The following FAM13C variants were observed in gnomAD, a reference collection of about 807,000 sequenced individuals.
FAM13C encodes protein FAM13C.
Under a neutral mutation model 73.2 loss-of-function variants are expected in FAM13C, and 37 were observed. That is an observed-to-expected ratio of 0.51 (90% CI 0.39 to 0.67). FAM13C has a LOEUF of 0.67. Ranked by LOEUF, FAM13C falls within the 30% of genes least tolerant of loss-of-function variation. The pLI is 0.00. For synonymous variants in FAM13C, 246 were observed against 260.9 expected (o/e 0.94, Z 0.55); for missense variants, 589 against 715.6 (o/e 0.82, Z 2.02).
At chr10:59,361,195 C>A in intron 1 of FAM13C, 2 of 886,228 alleles carry the variant, frequency 2.3e-6, no homozygotes, top group Non-Finnish European at 3.1e-6. Flanking sequence ...TACATTGCTT[C>A]TTCTAAAGTC....
At chr10:59,258,355 C>T (rs1468203669) in intron 10 of FAM13C, among the ~76,000 whole-genome samples, 1 of 152,150 alleles carries the variant, frequency 6.6e-6, no homozygotes, top group East Asian at 1.9e-4. Flanking sequence ...TGGTGGTGCA[C>T]ACCTGTAGTC....
chr10:59,253,804 G>A (rs1476934933), intron 11 of FAM13C: 1 of 152,270 alleles, frequency 6.6e-6, no homozygotes, highest in African/African-American at 2.4e-5. Context: ...TAGGATTTGT[G>A]ATGCTTTTCT....
intron 3 of FAM13C, among the ~76,000 whole-genome samples, chr10:59,348,162 T>G (rs1357373654): frequency 6.6e-6 from 1 of 152,184 alleles, no homozygotes; most frequent in Non-Finnish European, 1.5e-5. Flanking sequence ...AAGAGGGTTG[T>G]CTTTAAATTT....
At position 59,293,774 on chromosome 10, in the gene FAM13C, A is replaced by T. The variant is rs112827632; in HGVS notation, c.507+9027T>A. On this transcript the variant is annotated intron_variant, in intron 5 of 13. Coordinates refer to ENST00000618804, the MANE Select transcript of FAM13C (RefSeq NM_198215.4). ...AACCTCTGGGAAGTGAGGACAGCAA[A>T]GTCCACTCTTGTACTGCAGCTGTTT... is the stretch of plus-strand genomic sequence containing the variant. 5.0e-3 allele frequency among the ~76,000 whole-genome samples: 768 copies of T among 152,310 alleles called. 12 individuals carry two copies. The highest frequency in any genetic ancestry group is 3.4e-3 in the Middle Eastern group (1 of 294).
intron 3 of FAM13C, among the ~76,000 whole-genome samples, chr10:59,329,344 T>TTG (rs1851635079): frequency 1.5e-3 from 2 of 1,362 alleles, no homozygotes; most frequent in Non-Finnish European, 2.8e-3. Context: ...TCTTTCTGGT[T>TTG]TTTTTTTTTT....
chr10:59,265,281 T>G (rs1842902947), intron 8 of FAM13C, among the ~76,000 whole-genome samples: 1 of 102,700 alleles, frequency 9.7e-6, no homozygotes, highest in African/African-American at 3.6e-5. Context: ...AGCAGACTGG[T>G]TTCCCTGAGG....
intron 4 of FAM13C, among the ~76,000 whole-genome samples, chr10:59,308,429 C>T (rs1284352191): frequency 6.6e-6 from 1 of 151,710 alleles, no homozygotes; most frequent in Non-Finnish European, 1.5e-5. Context: ...ATCACCTCCA[C>T]AATCACCATC....
intron 9 of FAM13C, 132 bp downstream of exon 9, chr10:59,263,953 G>T (rs751901717): frequency 1.9e-4 from 153 of 806,550 alleles, no homozygotes; most frequent in Non-Finnish European, 2.8e-4. Context: ...TTTCAAAAGG[G>T]AGTTACAGTC....
At chr10:59,341,812 T>C (rs750545637) in intron 3 of FAM13C, among the ~76,000 whole-genome samples, 3 of 152,106 alleles carry the variant, frequency 2.0e-5, no homozygotes, top group Non-Finnish European at 1.5e-5. Context: ...TGAGCTTTGT[T>C]GGGTGGGAAG....
At chr10:59,328,031 T>A (rs543725926) in intron 3 of FAM13C, among the ~76,000 whole-genome samples, 5 of 152,280 alleles carry the variant, frequency 3.3e-5, no homozygotes, top group African/African-American at 1.2e-4. Flanking sequence ...AGAAAAGGCA[T>A]CCCACATCTT....
At chr10:59,327,348 A>C (rs903189665) in intron 3 of FAM13C, among the ~76,000 whole-genome samples, 6 of 152,248 alleles carry the variant, frequency 3.9e-5, no homozygotes, top group Admixed American at 6.5e-5. Flanking sequence ...TAAAGGAAAG[A>C]GTACAAAACA....
chr10:59,320,253 G>T (rs1235893083), intron 4 of FAM13C, among the ~76,000 whole-genome samples: 8 of 152,120 alleles, frequency 5.3e-5, no homozygotes, highest in Non-Finnish European at 1.0e-4. Flanking sequence ...TTAAAATGTT[G>T]ATTCAAAATA....
intron 10 of FAM13C, among the ~76,000 whole-genome samples, chr10:59,256,286 A>C (rs1376139725): frequency 6.6e-6 from 1 of 152,230 alleles, no homozygotes; most frequent in African/African-American, 2.4e-5. Context: ...ATTCATAGAA[A>C]GTATTTCAGA....
intron 8 of FAM13C, among the ~76,000 whole-genome samples, chr10:59,267,790 T>C (rs1235813713): frequency 1.3e-5 from 2 of 152,182 alleles, no homozygotes; most frequent in Non-Finnish European, 2.9e-5. Flanking sequence ...TGTTCTCTTT[T>C]ATTCTAATAA....
intron 8 of FAM13C, among the ~76,000 whole-genome samples, chr10:59,266,577 A>C (rs1346657078): frequency 6.6e-6 from 1 of 152,162 alleles, no homozygotes; most frequent in African/African-American, 2.4e-5. Flanking sequence ...GATAATAACA[A>C]AGACTTCTAT....
At chr10:59,285,914 C>T (rs1845501274) in intron 5 of FAM13C, among the ~76,000 whole-genome samples, 1 of 152,128 alleles carries the variant, frequency 6.6e-6, no homozygotes, top group South Asian at 2.1e-4. Context: ...GACTTCCAGT[C>T]TTCAGGACTG....
intron 5 of FAM13C, chr10:59,296,969 G>A (rs1846992100): frequency 2.0e-5 from 3 of 152,170 alleles, no homozygotes; most frequent in African/African-American, 7.2e-5. Context: ...AACACAAAGA[G>A]CACTCAAAAT....
intron 8 of FAM13C, among the ~76,000 whole-genome samples, chr10:59,267,274 T>C (rs191617273): frequency 1.3e-5 from 2 of 152,344 alleles, no homozygotes; most frequent in African/African-American, 4.8e-5. Context: ...CTGGATCTTT[T>C]AAAAAGCAGA....
At chr10:59,295,932 A>G (rs570972786) in intron 5 of FAM13C, among the ~76,000 whole-genome samples, 1 of 152,192 alleles carries the variant, frequency 6.6e-6, no homozygotes. Context: ...GTTCTTATTA[A>G]AACCAAGTTG....
Sources: allele counts gnomAD v4.1 joint callset (sites outside exome capture counted in the v4.1 genomes callset), GRCh38; gene constraint gnomAD v4.1.1; transcripts MANE v1.5; gene names NCBI Gene and HGNC (gene_info 2026-07-23, HGNC 2026-07-21).